The following EXOC6B variants were observed in gnomAD, a reference collection of about 807,000 sequenced individuals.
EXOC6B encodes exocyst complex component 6B, also known as SEC15 homolog B.
In EXOC6B, 54 loss-of-function variants were observed where a neutral mutation model predicts 113.5. The observed-to-expected ratio is 0.48, with a 90% CI of 0.38 to 0.60. The LOEUF (loss-of-function observed/expected upper bound fraction) is 0.60. Ranked by LOEUF, EXOC6B falls within the 20% of genes least tolerant of loss-of-function variation. The pLI is 0.00. For missense variants in EXOC6B, 797 were observed against 977.5 expected, an observed-to-expected ratio of 0.82 and a Z score of 2.46; for synonymous variants, 357 against 339.0, an observed-to-expected ratio of 1.05 and a Z score of -0.58.
intron 20 of EXOC6B, among the ~76,000 whole-genome samples, chr2:72,301,470 C>T (rs537579177): frequency 2.6e-5 from 4 of 152,280 alleles, no homozygotes; most frequent in Admixed American, 6.5e-5. Context: ...GTGAATCCAT[C>T]TAGTCCTGGG....
chr2:72,406,901 T>G (rs1184673909), intron 18 of EXOC6B, among the ~76,000 whole-genome samples: 1 of 151,968 alleles, frequency 6.6e-6, no homozygotes, highest in African/African-American at 2.4e-5. Context: ...CTTCAAAAAA[T>G]CAATGAATCC....
intron 16 of EXOC6B, among the ~76,000 whole-genome samples, chr2:72,484,341 G>C (rs563437552): frequency 6.0e-5 from 9 of 150,702 alleles, no homozygotes; most frequent in African/African-American, 2.2e-4. Context: ...GGCGGATCAC[G>C]AGGTCAGGAG....
At chr2:72,545,031 T>G (rs897477349) in intron 8 of EXOC6B, among the ~76,000 whole-genome samples, 14 of 152,126 alleles carry the variant, frequency 9.2e-5, no homozygotes, top group Non-Finnish European at 1.6e-4. Context: ...CAAGTATCTT[T>G]GTGAGAAATT....
chr2:72,579,016 T>A, intron 6 of EXOC6B, among the ~76,000 whole-genome samples: 1 of 151,544 alleles, frequency 6.6e-6, no homozygotes, highest in East Asian at 1.9e-4. Context: ...AGTCAAGGAG[T>A]GGTCAACTGA....
chr2:72,820,681 T>A (rs1057396936), intron 1 of EXOC6B, among the ~76,000 whole-genome samples: 5 of 152,020 alleles, frequency 3.3e-5, no homozygotes, highest in African/African-American at 1.2e-4. Context: ...ATAAGGAACA[T>A]AAATCATGAT....
In EXOC6B at chr2:72,741,052, C is replaced by T. The variant is rs560704582; in HGVS notation, c.279+252G>A. On this transcript the variant is annotated intron_variant, in intron 2 of 21. Coordinates refer to ENST00000272427, the MANE Select transcript of EXOC6B (RefSeq NM_015189.3). ...CCAGGAGGCGGAGCTTGCAGTGAACCGAGATCGCACCACTGCACTCCAGCC... is the reference window on the plus strand; with the variant it reads ...CCAGGAGGCGGAGCTTGCAGTGAACTGAGATCGCACCACTGCACTCCAGCC... Among the ~76,000 whole-genome samples, 4 of 151,306 alleles carry T rather than the reference C, an allele frequency of 2.6e-5. No homozygotes were observed. In the South Asian group the frequency reaches 6.3e-4, roughly 24 times the overall value.
At chr2:72,536,044 T>A (rs912430696) in intron 8 of EXOC6B, among the ~76,000 whole-genome samples, 1 of 152,052 alleles carries the variant, frequency 6.6e-6, no homozygotes, top group Non-Finnish European at 1.5e-5. Flanking sequence ...GTTTAAAGCA[T>A]TTTATTAACT....
intron 19 of EXOC6B, among the ~76,000 whole-genome samples, chr2:72,347,923 T>C (rs571152256): frequency 6.6e-6 from 1 of 152,316 alleles, no homozygotes; most frequent in Admixed American, 6.5e-5. Flanking sequence ...ATGAATTCTA[T>C]TTTTATATTG....
chr2:72,549,190 T>C (rs1703073354), intron 8 of EXOC6B, among the ~76,000 whole-genome samples: 1 of 152,174 alleles, frequency 6.6e-6, no homozygotes, highest in African/African-American at 2.4e-5. Flanking sequence ...TCTATACTTT[T>C]ATATACTATA....
intron 6 of EXOC6B, among the ~76,000 whole-genome samples, chr2:72,685,324 G>A (rs765698062): frequency 1.3e-5 from 2 of 152,088 alleles, no homozygotes; most frequent in African/African-American, 2.4e-5. Context: ...GTCTCATTTT[G>A]TGGCAAGCAA....
intron 17 of EXOC6B, 67 bp downstream of exon 17, chr2:72,480,549 T>C: frequency 7.4e-7 from 1 of 1,359,504 alleles, no homozygotes; most frequent in South Asian, 1.7e-5. Flanking sequence ...AACAAGGCCA[T>C]GTTAGGTAGA....
chr2:72,817,235 C>A (rs186632586), intron 1 of EXOC6B, among the ~76,000 whole-genome samples: 1 of 152,104 alleles, frequency 6.6e-6, no homozygotes, highest in African/African-American at 2.4e-5. Context: ...GACAGCACTA[C>A]AAAGAACACT....
rs10169052 is a variant in EXOC6B at position 72,423,315 on chromosome 2, C to G, written c.1980+41845G>C. Among the ~76,000 whole-genome samples the G allele has an allele frequency of 1.8e-3, 279 of 152,272 alleles. 2 individuals carry two copies. Among genetic ancestry groups the G allele is most frequent in the African/African-American group, 6.7e-3 (277 of 41,558 alleles). The stretch of plus-strand genomic sequence containing the variant: ...GACTCCAGACGCGCCACCTTAAGAG[C>G]TGTAACACTCACCGCGAGGGTCCGT... On this transcript the variant is annotated intron_variant, in intron 18 of 21. Coordinates refer to ENST00000272427, the MANE Select transcript of EXOC6B (RefSeq NM_015189.3).
At chr2:72,343,382 G>A (rs532910070) in intron 19 of EXOC6B, among the ~76,000 whole-genome samples, 8 of 152,244 alleles carry the variant, frequency 5.3e-5, no homozygotes, top group Admixed American at 1.3e-4. Context: ...AGCCAAGATC[G>A]TGCCACTGCA....
intron 18 of EXOC6B, among the ~76,000 whole-genome samples, chr2:72,401,665 A>ATG (rs565880377): frequency 1.5e-5 from 1 of 67,712 alleles, no homozygotes; most frequent in Admixed American, 2.0e-4. Flanking sequence ...ATATATATAT[A>ATG]TGTATATATA....
At chr2:72,429,355 A>G (rs907806106) in intron 18 of EXOC6B, among the ~76,000 whole-genome samples, 1 of 152,242 alleles carries the variant, frequency 6.6e-6, no homozygotes, top group African/African-American at 2.4e-5. Flanking sequence ...AGGATGATTA[A>G]GTAAGTCCTG....
chr2:72,209,138 G>A lies in EXOC6B; in HGVS notation c.2197-24951C>T, dbSNP rs372047067. On this transcript the variant is annotated intron_variant, in intron 20 of 21. Transcript: ENST00000272427. ...TTCTGGAGGCTGAGACAGGAGAATCGCTTGAACCCGGGAGGCAGAGGTTGT... is the reference window on the plus strand; with the variant it reads ...TTCTGGAGGCTGAGACAGGAGAATCACTTGAACCCGGGAGGCAGAGGTTGT... Among the ~76,000 whole-genome samples, 7 of 144,432 alleles carry A rather than the reference G, an allele frequency of 4.8e-5. No individual in the cohort carries two copies. The East Asian group carries it at 8.1e-4, about 17-fold the overall frequency. 94.8% of individuals were successfully genotyped at this position (144,432 alleles called of 152,430 possible). A position where few individuals can be genotyped will look rare whatever the true frequency, so the allele number is the denominator to read the frequency against.
chr2:72,418,336 C>T (rs1238132512), intron 18 of EXOC6B, among the ~76,000 whole-genome samples: 1 of 152,214 alleles, frequency 6.6e-6, no homozygotes, highest in African/African-American at 2.4e-5. Context: ...GTCCCCATTA[C>T]TCTCTAACCT....
intron 6 of EXOC6B, among the ~76,000 whole-genome samples, chr2:72,712,100 C>T (rs992306219): frequency 6.6e-6 from 1 of 152,162 alleles, no homozygotes; most frequent in Non-Finnish European, 1.5e-5. Flanking sequence ...TTTTCTGCAG[C>T]TTCCCAGGTA....
Sources: allele counts gnomAD v4.1 joint callset (sites outside exome capture counted in the v4.1 genomes callset), GRCh38; gene constraint gnomAD v4.1.1; transcripts MANE v1.5; gene names NCBI Gene and HGNC (gene_info 2026-07-23, HGNC 2026-07-21).